The following MYO5B variants were observed in gnomAD, a reference collection of about 807,000 sequenced individuals.
MYO5B encodes the protein myosin VB.
In MYO5B, 143 loss-of-function variants were observed where a neutral mutation model predicts 229.3. That is an observed-to-expected ratio of 0.62 (90% CI 0.54 to 0.72). The LOEUF is 0.72. Ranked by LOEUF, MYO5B falls within the 30% of genes least tolerant of loss-of-function variation. The probability of loss-of-function intolerance (pLI) is 0.00; values close to 1 mark genes in which losing one functional copy is unlikely to be tolerated. For missense variants in MYO5B, 2,321 were observed against 2,331.0 expected (o/e 1.00, Z 0.09); for synonymous variants, 918 against 885.2 (o/e 1.04, Z -0.66).
At chr18:49,870,157 T>C (rs1281326780) in intron 27 of MYO5B, among the ~76,000 whole-genome samples, 1 of 152,160 alleles carries the variant, frequency 6.6e-6, no homozygotes, top group African/African-American at 2.4e-5. Context: ...CAGAAGGAGA[T>C]CTCTATGACA....
intron 16 of MYO5B, among the ~76,000 whole-genome samples, chr18:49,932,618 A>G (rs2025205551): frequency 6.6e-6 from 1 of 152,184 alleles, no homozygotes; most frequent in African/African-American, 2.4e-5. Flanking sequence ...AGAGCTCAAC[A>G]TATCTGCCCA....
chr18:49,934,180 T>C (rs1787325), intron 16 of MYO5B, among the ~76,000 whole-genome samples: 80,586 of 151,910 alleles, frequency 0.53, 21,752 homozygotes, highest in Middle Eastern at 0.71. Flanking sequence ...CAGGCCCTCA[T>C]CAGAATTAAC....
rs1221205511 is a variant in MYO5B, at chr18:49,946,039, A to G, written c.1752+7221T>C. Among the ~76,000 whole-genome samples, 6 of 152,226 alleles carry G rather than the reference A, an allele frequency of 3.9e-5. No homozygotes were observed. In the East Asian group the frequency reaches 1.2e-3, roughly 29 times the overall value. The stretch of plus-strand genomic sequence containing the variant: ...GATGTTTGAGGCATGGGTAGAAGTT[A>G]CCAATCTGCATAACTATACTATTGG... On this transcript the variant is annotated intron_variant, in intron 14 of 39. Coordinates refer to ENST00000285039, the MANE Select transcript of MYO5B (RefSeq NM_001080467.3).
chr18:50,016,753 C>T (rs1378172848), intron 4 of MYO5B, among the ~76,000 whole-genome samples: 2 of 152,130 alleles, frequency 1.3e-5, no homozygotes, highest in African/African-American at 4.8e-5. Context: ...AGAACATTTT[C>T]ATCACCCCCA....
At chr18:50,191,575 T>C (rs2033227285) in intron 1 of MYO5B, among the ~76,000 whole-genome samples, 4 of 152,236 alleles carry the variant, frequency 2.6e-5, no homozygotes, top group Admixed American at 1.3e-4. Flanking sequence ...AATTGAGTGT[T>C]TTCTCCTACA....
chr18:50,083,218 C>A (rs960209644), intron 1 of MYO5B, among the ~76,000 whole-genome samples: 10 of 152,188 alleles, frequency 6.6e-5, no homozygotes, highest in African/African-American at 2.4e-4. Context: ...TCTGGGTGTA[C>A]CACCCTCCCA....
intron 14 of MYO5B, among the ~76,000 whole-genome samples, chr18:49,939,087 C>T (rs943532923): frequency 6.6e-6 from 1 of 151,476 alleles, no homozygotes; most frequent in East Asian, 1.9e-4. Context: ...AGGGCTCAGA[C>T]ATTATCTAGT....
At position 50,039,969 on chromosome 18, in the gene MYO5B, C is replaced by A. The variant is rs536943433; in HGVS notation, c.310+174G>T. 6.4e-4 allele frequency among the ~76,000 whole-genome samples: 97 copies of A among 152,250 alleles called. 1 individual carries two copies. Among genetic ancestry groups the A allele is most frequent in the Non-Finnish European group, 1.0e-3 (70 of 68,022 alleles). On this transcript the variant is annotated intron_variant, in intron 3 of 39. Transcript: ENST00000285039. ...ATTAACACCAATCATCCCACAGAGA[C>A]TGGGGCAGCCTAATTAAGCCACATT...
At chr18:49,870,961 T>C (rs2024449650) in intron 27 of MYO5B, among the ~76,000 whole-genome samples, 1 of 152,120 alleles carries the variant, frequency 6.6e-6, no homozygotes, top group African/African-American at 2.4e-5. Context: ...CTAAAAGAAC[T>C]GAAAGCAGGG....
chr18:50,145,821 G>T (rs117450346), intron 1 of MYO5B, among the ~76,000 whole-genome samples: 3 of 152,108 alleles, frequency 2.0e-5, no homozygotes, highest in Non-Finnish European at 4.4e-5. Context: ...AGAAAAAATG[G>T]ATGGTTTTCC....
chr18:50,073,790 T>TC (rs2031014842), intron 1 of MYO5B, among the ~76,000 whole-genome samples: 1 of 152,142 alleles, frequency 6.6e-6, no homozygotes, highest in South Asian at 2.1e-4. Context: ...AAATGATACC[T>TC]CCATCTACTT....
intron 37 of MYO5B, 61 bp from the exon 38 acceptor site, chr18:49,836,946 G>T (rs925130495): frequency 1.9e-6 from 3 of 1,538,512 alleles, no homozygotes; most frequent in African/African-American, 2.7e-5. Context: ...CTGAGAAGGG[G>T]ACACCTGTTG....
intron 1 of MYO5B, among the ~76,000 whole-genome samples, chr18:50,132,319 T>G (rs543225026): frequency 4.6e-5 from 7 of 152,338 alleles, no homozygotes; most frequent in African/African-American, 1.7e-4. Context: ...ACTTCTTAGC[T>G]GTGTGACCTT....
At position 49,841,641 on chromosome 18, in the gene MYO5B, C is replaced by G. The variant is rs1308761393; in HGVS notation, c.4612-187G>C. ...GAGAGGCTGTGTGAGTGTTCCTCTA[C>G]CACCAGGGATGGTGCACAGAACCCC... is the stretch of plus-strand genomic sequence containing the variant. On this transcript the variant is annotated intron_variant, in intron 34 of 39. Transcript: ENST00000285039. Among the ~76,000 whole-genome samples the G allele has an allele frequency of 4.6e-5, 7 of 152,278 alleles. No individual in the cohort carries two copies. The East Asian group carries it at 1.4e-3, about 29-fold the overall frequency.
In MYO5B at chr18:50,030,876, GAAAAAAAAAAAAAAAAAAAAAAAAA is replaced by G. The variant is rs869189090; in HGVS notation, c.455+5949_455+5973del. Reference sequence around the variant, plus strand: ...TCTGCAGCATCCCCACTCCCTTTCAGAAAAAAAAAAAAAAAAAAAAAAAAAAAAAAAAAAAAAAAAGCACAAATAA... The same window carrying G: ...TCTGCAGCATCCCCACTCCCTTTCAGAAAAAAAAAAAAAAAGCACAAATAA... On this transcript the variant is annotated intron_variant, in intron 4 of 39. Transcript: ENST00000285039. Among the ~76,000 whole-genome samples the G allele has an allele frequency of 4.6e-3, 139 of 30,502 alleles. 2 individuals carry two copies. Among genetic ancestry groups the G allele is most frequent in the African/African-American group, 0.012 (102 of 8,512 alleles). 20.0% of individuals were successfully genotyped at this position (30,502 alleles called of 152,430 possible). A position where few individuals can be genotyped will look rare whatever the true frequency, so the allele number is the denominator to read the frequency against.
At chr18:50,128,746 A>G (rs570101100) in intron 1 of MYO5B, among the ~76,000 whole-genome samples, 1 of 152,276 alleles carries the variant, frequency 6.6e-6, no homozygotes, top group South Asian at 2.1e-4. Context: ...TCTGTCACTC[A>G]AGCCCTCCGG....
At chr18:49,947,966 A>T (rs930527977) in intron 14 of MYO5B, among the ~76,000 whole-genome samples, 1 of 152,096 alleles carries the variant, frequency 6.6e-6, no homozygotes, top group African/African-American at 2.4e-5. Flanking sequence ...GCACCCATTA[A>T]CTCGTCATTT....
intron 25 of MYO5B, among the ~76,000 whole-genome samples, chr18:49,876,713 A>G (rs1012368668): frequency 6.6e-6 from 1 of 152,184 alleles, no homozygotes; most frequent in South Asian, 2.1e-4. Context: ...CCTAGACTTA[A>G]AAGACCGCAA....
At chr18:50,010,960 C>G (rs1034597434) in intron 4 of MYO5B, among the ~76,000 whole-genome samples, 3 of 152,220 alleles carry the variant, frequency 2.0e-5, no homozygotes, top group Admixed American at 2.0e-4. Flanking sequence ...CTATACCACA[C>G]TGTCTCTTTG....
Sources: allele counts gnomAD v4.1 joint callset (sites outside exome capture counted in the v4.1 genomes callset), GRCh38; gene constraint gnomAD v4.1.1; transcripts MANE v1.5; gene names NCBI Gene and HGNC (gene_info 2026-07-23, HGNC 2026-07-21).